Variants in KLHL1 observed in about 807,000 individuals in gnomAD.
The protein encoded by KLHL1 is kelch-like protein 1.
A neutral mutation model predicts 77.7 loss-of-function variants in KLHL1; 47 were observed. That is an observed-to-expected ratio of 0.60 (90% CI 0.48 to 0.77). KLHL1 has a LOEUF of 0.77. KLHL1 is among the 30% of genes least tolerant of loss of function. KLHL1 has a pLI of 0.00. For missense variants in KLHL1, 925 were observed against 910.8 expected, an observed-to-expected ratio of 1.02 and a Z score of -0.20; for synonymous variants, 360 against 325.2, an observed-to-expected ratio of 1.11 and a Z score of -1.15.
chr13:69,784,882 A>T (rs1289207568), intron 7 of KLHL1, among the ~76,000 whole-genome samples: 91 of 79,490 alleles, frequency 1.1e-3, no homozygotes, highest in South Asian at 2.1e-3. Context: ...CAGAATATAC[A>T]TTTTTTTTTT....
intron 6 of KLHL1, among the ~76,000 whole-genome samples, chr13:69,800,714 TG>T (rs1877339509): frequency 6.6e-6 from 1 of 152,190 alleles, no homozygotes; most frequent in Admixed American, 6.5e-5. Context: ...TTTATCAATT[TG>T]TGAGTTCTGT....
chr13:69,907,834 G>A (rs936324838), intron 4 of KLHL1, among the ~76,000 whole-genome samples: 1 of 151,986 alleles, frequency 6.6e-6, no homozygotes, highest in African/African-American at 2.4e-5. Flanking sequence ...TGCAGGATAG[G>A]TTAAAATGGA....
chr13:69,818,219 C>CTTTTTTTTTTTTTTTT lies in KLHL1; in HGVS notation c.1414+20741_1414+20756dup, dbSNP rs1316398623. ...AGAATTTAACTTAACTCATAGGCAT[C>CTTTTTTTTTTTTTTTT]TTTTTTTTTTTTTTTTTTTTGAGAC... On this transcript the variant is annotated intron_variant, in intron 6 of 10. Coordinates refer to ENST00000377844, the MANE Select transcript of KLHL1 (RefSeq NM_020866.3). Among the ~76,000 whole-genome samples, 25 of 112,902 alleles carry CTTTTTTTTTTTTTTTT rather than the reference C, an allele frequency of 2.2e-4. 3 individuals are homozygous for CTTTTTTTTTTTTTTTT. The highest frequency in any genetic ancestry group is 7.6e-4 in the African/African-American group (19 of 25,092). The allele number at this position is 112,902 out of a possible 152,430, so 74.1% of individuals were successfully genotyped here.
At chr13:70,013,663 T>A (rs1885590049) in intron 1 of KLHL1, among the ~76,000 whole-genome samples, 1 of 152,194 alleles carries the variant, frequency 6.6e-6, no homozygotes, top group Non-Finnish European at 1.5e-5. Context: ...AAAAATTCAG[T>A]GTCATATTTG....
chr13:70,048,322 A>G (rs995461324), intron 1 of KLHL1, among the ~76,000 whole-genome samples: 10 of 152,184 alleles, frequency 6.6e-5, no homozygotes, highest in Admixed American at 2.0e-4. Context: ...TCAGAACACA[A>G]TTTAGGATTC....
intron 9 of KLHL1, among the ~76,000 whole-genome samples, chr13:69,718,948 CAA>C (rs1257278697): frequency 2.0e-5 from 3 of 151,986 alleles, no homozygotes; most frequent in East Asian, 3.9e-4. Context: ...GTAAAACAAA[CAA>C]GAACAGAAGA....
intron 4 of KLHL1, among the ~76,000 whole-genome samples, chr13:69,904,050 T>C (rs932808518): frequency 6.6e-6 from 1 of 152,060 alleles, no homozygotes; most frequent in Non-Finnish European, 1.5e-5. Context: ...ATTTAACCTA[T>C]ATATTATTAT....
intron 7 of KLHL1, among the ~76,000 whole-genome samples, chr13:69,763,255 C>T (rs764972086): frequency 2.0e-5 from 3 of 152,154 alleles, no homozygotes; most frequent in Non-Finnish European, 4.4e-5. Flanking sequence ...GTTGCTGACA[C>T]TTCTTGCTGT....
chr13:70,039,582 C>A (rs1360366265), intron 1 of KLHL1, among the ~76,000 whole-genome samples: 5 of 147,778 alleles, frequency 3.4e-5, no homozygotes, highest in Admixed American at 2.7e-4. Context: ...GTTTTTTTTT[C>A]TCTGATTTTT....
intron 1 of KLHL1, among the ~76,000 whole-genome samples, chr13:70,026,730 G>A (rs969629470): frequency 9.9e-5 from 15 of 151,800 alleles, no homozygotes; most frequent in Non-Finnish European, 2.2e-4. Flanking sequence ...GTGTGTGTGT[G>A]TGTGTGTGTG....
chr13:69,964,523 A>G (rs1884157927), intron 2 of KLHL1, among the ~76,000 whole-genome samples: 1 of 152,054 alleles, frequency 6.6e-6, no homozygotes, highest in African/African-American at 2.4e-5. Context: ...CAGTGCATGG[A>G]TCCTTTTAAA....
chr13:69,984,319 A>C (rs956428901), intron 1 of KLHL1, among the ~76,000 whole-genome samples: 2 of 152,158 alleles, frequency 1.3e-5, no homozygotes, highest in Non-Finnish European at 2.9e-5. Context: ...AGCAAACTGG[A>C]ATCTTGCACA....
rs191067002 is a variant in KLHL1 at position 69,722,341 on chromosome 13, A to G, written c.1803-2760T>C. ...TCTGAAATTATTTCAAAAATTATAT[A>G]TAAATATATACCTAAATTTACATTA... On this transcript the variant is annotated intron_variant, in intron 8 of 10. Coordinates refer to ENST00000377844, the MANE Select transcript of KLHL1 (RefSeq NM_020866.3). Among the ~76,000 whole-genome samples the G allele has an allele frequency of 5.4e-3, 816 of 152,056 alleles. 3 individuals carry two copies. The highest frequency in any genetic ancestry group is 0.019 in the African/African-American group (792 of 41,562).
chr13:69,830,843 A>G (rs1402294003), intron 6 of KLHL1, among the ~76,000 whole-genome samples: 1 of 150,178 alleles, frequency 6.7e-6, no homozygotes, highest in African/African-American at 2.5e-5. Context: ...CTGATCCTGA[A>G]TGATTGTTGG....
intron 7 of KLHL1, among the ~76,000 whole-genome samples, chr13:69,773,646 A>T (rs1367062427): frequency 1.3e-5 from 2 of 151,970 alleles, no homozygotes; most frequent in Non-Finnish European, 2.9e-5. Context: ...TCTACAATTT[A>T]GTCAAGGTCT....
chr13:69,703,899 T>A (rs1875514161), intron 10 of KLHL1, among the ~76,000 whole-genome samples: 1 of 151,680 alleles, frequency 6.6e-6, no homozygotes, highest in African/African-American at 2.4e-5. Context: ...ACGTGCACAA[T>A]GATGAAATTG....
At position 69,974,105 on chromosome 13, in the gene KLHL1, T is replaced by C. The variant is rs144423217; in HGVS notation, c.680+1515A>G. On this transcript the variant is annotated intron_variant, in intron 2 of 10. Transcript: ENST00000377844. ...GTTTGCTCAAATAAACTCTTTAAAATAGTAATGTACTTAAGTTTATCACTT... is the reference window on the plus strand; with the variant it reads ...GTTTGCTCAAATAAACTCTTTAAAACAGTAATGTACTTAAGTTTATCACTT... Among the ~76,000 whole-genome samples, 267 of 152,120 alleles carry C rather than the reference T, an allele frequency of 1.8e-3. 2 individuals are homozygous for C. Among genetic ancestry groups the C allele is most frequent in the African/African-American group, 6.3e-3 (260 of 41,546 alleles).
chr13:70,000,857 T>A (rs868055511), intron 1 of KLHL1, among the ~76,000 whole-genome samples: 18 of 141,616 alleles, frequency 1.3e-4, no homozygotes, highest in African/African-American at 4.2e-4. Context: ...AGTTCTAAAA[T>A]CAAATAAAAA....
At chr13:69,761,907 T>C (rs1875041140) in intron 7 of KLHL1, among the ~76,000 whole-genome samples, 1 of 152,186 alleles carries the variant, frequency 6.6e-6, no homozygotes, top group African/African-American at 2.4e-5. Flanking sequence ...CTGTTCTAAA[T>C]TGCTAAGATG....
Sources: gnomAD v4.1 joint callset for allele counts (sites outside exome capture counted in the v4.1 genomes callset) on GRCh38, gnomAD v4.1.1 for gene constraint, MANE v1.5 for transcripts, NCBI Gene and HGNC (gene_info 2026-07-23, HGNC 2026-07-21) for gene names.